The following ROCK1 variants were observed in gnomAD, a reference collection of about 807,000 sequenced individuals.
ROCK1 encodes the protein rho-associated protein kinase 1.
In ROCK1, 36 loss-of-function variants were observed where a neutral mutation model predicts 196.8. The observed-to-expected ratio is 0.18, with a 90% CI of 0.14 to 0.24. ROCK1 has a LOEUF of 0.24. Among genes scored for constraint, ROCK1 ranks in the 10% least tolerant of loss-of-function variants. ROCK1 has a pLI of 1.00. For missense variants in ROCK1, 920 were observed against 1,562.0 expected, an observed-to-expected ratio of 0.59 and a Z score of 6.93; for synonymous variants, 443 against 515.9, an observed-to-expected ratio of 0.86 and a Z score of 1.91.
intron 9 of ROCK1, among the ~76,000 whole-genome samples, chr18:21,036,472 T>C (rs2036058292): frequency 6.6e-6 from 1 of 152,324 alleles, no homozygotes; most frequent in Non-Finnish European, 1.5e-5. Flanking sequence ...AAGAAACAGT[T>C]ATTGTTCTGT....
At position 21,016,096 on chromosome 18, in the gene ROCK1, C is replaced by T. The variant is rs117992795; in HGVS notation, c.1362-617G>A. ...TATATTAAATCACAACATCTAGTGG[C>T]AGTGATTTCAAAGTATTGATGAGCA... On this transcript the variant is annotated intron_variant, in intron 12 of 32. Transcript: ENST00000399799. 3.2e-3 allele frequency among the ~76,000 whole-genome samples: 490 copies of T among 152,062 alleles called. 17 individuals carry two copies. In the East Asian group the frequency reaches 0.065, roughly 20 times the overall value.
At chr18:21,075,965 A>C (rs941796422) in intron 1 of ROCK1, among the ~76,000 whole-genome samples, 1 of 151,476 alleles carries the variant, frequency 6.6e-6, no homozygotes, top group Non-Finnish European at 1.5e-5. Flanking sequence ...AAAAAAAAAA[A>C]AGGAAAGAAA....
chr18:21,032,509 T>TC (rs1317439499), intron 9 of ROCK1, among the ~76,000 whole-genome samples: 1 of 149,422 alleles, frequency 6.7e-6, no homozygotes, highest in African/African-American at 2.5e-5. Context: ...TAGGAAAGTT[T>TC]TTTTTTTTTT....
chr18:20,959,760 A>G, intron 29 of ROCK1, 80 bp downstream of exon 29: 1 of 685,662 alleles, frequency 1.5e-6, no homozygotes, highest in Non-Finnish European at 2.3e-6. Flanking sequence ...AACACAAAAT[A>G]TAAAATAAAT....
At chr18:21,053,946 A>T (rs368079118) in intron 2 of ROCK1, among the ~76,000 whole-genome samples, 84 of 152,304 alleles carry the variant, frequency 5.5e-4, no homozygotes, top group African/African-American at 1.9e-3. Flanking sequence ...TACATATAGC[A>T]CTCAAAACTG....
rs948505350 is a variant in ROCK1 at position 21,015,782 on chromosome 18, G to C, written c.1362-303C>G. ...AGGTCAGGAGTTCGAGACCAGCTTG[G>C]CCAACATGGTGAAACCCCGTCTCTA... On this transcript the variant is annotated intron_variant, in intron 12 of 32. Transcript: ENST00000399799. 5.9e-5 allele frequency among the ~76,000 whole-genome samples: 9 copies of C among 151,656 alleles called. No individual in the cohort carries two copies. In the South Asian group the frequency reaches 1.9e-3, roughly 32 times the overall value.
chr18:20,973,273 G>A (rs540307202), intron 22 of ROCK1, among the ~76,000 whole-genome samples: 1 of 151,776 alleles, frequency 6.6e-6, no homozygotes, highest in Non-Finnish European at 1.5e-5. Context: ...AAAGATAAGA[G>A]AATTGTTGGA....
chr18:21,061,211 T>C (rs747051737), intron 2 of ROCK1, among the ~76,000 whole-genome samples: 8 of 151,884 alleles, frequency 5.3e-5, no homozygotes, highest in African/African-American at 9.7e-5. Flanking sequence ...CCCAAGTAGC[T>C]GGAATTATAG....
intron 27 of ROCK1, among the ~76,000 whole-genome samples, chr18:20,960,416 T>C (rs566945394): frequency 2.0e-5 from 3 of 152,206 alleles, no homozygotes; most frequent in Admixed American, 6.5e-5. Context: ...ACTTTTCCCA[T>C]ACAATTTAAC....
intron 2 of ROCK1, among the ~76,000 whole-genome samples, chr18:21,065,755 T>C (rs1195441328): frequency 6.6e-6 from 1 of 152,164 alleles, no homozygotes; most frequent in Non-Finnish European, 1.5e-5. Flanking sequence ...CTGATAAACA[T>C]CTTCTTTGCA....
intron 1 of ROCK1, among the ~76,000 whole-genome samples, chr18:21,074,753 G>A (rs1450762999): frequency 6.6e-6 from 1 of 152,126 alleles, no homozygotes; most frequent in African/African-American, 2.4e-5. Flanking sequence ...AATACTTCCT[G>A]TCTCTCAGAG....
At chr18:21,101,640 A>T (rs911390939) in intron 1 of ROCK1, among the ~76,000 whole-genome samples, 1 of 152,180 alleles carries the variant, frequency 6.6e-6, no homozygotes, top group African/African-American at 2.4e-5. Context: ...GGAGTTGGAG[A>T]AGTTGGGGGA....
At chr18:21,020,093 C>A in intron 12 of ROCK1, 58 bp downstream of exon 12, 1 of 1,010,282 alleles carries the variant, frequency 9.9e-7, no homozygotes, top group Admixed American at 2.1e-5. Flanking sequence ...TATAAGCTTT[C>A]AAGTAAGTAT....
intron 9 of ROCK1, among the ~76,000 whole-genome samples, chr18:21,038,445 G>A (rs1055939306): frequency 6.6e-6 from 1 of 152,052 alleles, no homozygotes; most frequent in Non-Finnish European, 1.5e-5. Context: ...TCAGCACAAT[G>A]TAAGTACTGT....
At chr18:21,105,217 T>C (rs958479656) in intron 1 of ROCK1, among the ~76,000 whole-genome samples, 1 of 152,192 alleles carries the variant, frequency 6.6e-6, no homozygotes, top group African/African-American at 2.4e-5. Flanking sequence ...CCCTAAAATA[T>C]TTCAGCAAAT....
chr18:20,959,114 T>TATAATA (rs1568367447), intron 29 of ROCK1, among the ~76,000 whole-genome samples: 2 of 49,388 alleles, frequency 4.0e-5, no homozygotes, highest in African/African-American at 2.6e-4. Context: ...TATATATATA[T>TATAATA]TATATAATAT....
chr18:20,965,404 T>TATACATACATACATACATATATAC, intron 27 of ROCK1, among the ~76,000 whole-genome samples: 1 of 146,814 alleles, frequency 6.8e-6, no homozygotes, highest in African/African-American at 2.5e-5. Flanking sequence ...TACATACATA[T>TATACATACATACATACATATATAC]ATACATACAT....
intron 13 of ROCK1, among the ~76,000 whole-genome samples, chr18:21,011,177 G>C (rs1384612439): frequency 1.3e-5 from 2 of 152,068 alleles, no homozygotes; most frequent in Admixed American, 1.3e-4. Context: ...ATTATTGGTA[G>C]TATGTTAGGG....
chr18:21,026,783 A>C (rs771962599), intron 10 of ROCK1, among the ~76,000 whole-genome samples: 1 of 152,184 alleles, frequency 6.6e-6, no homozygotes. Context: ...ACTCCAAGCC[A>C]ATCAGTTATC....
Sources: gnomAD v4.1 joint callset for allele counts (sites outside exome capture counted in the v4.1 genomes callset) on GRCh38, gnomAD v4.1.1 for gene constraint, MANE v1.5 for transcripts, NCBI Gene and HGNC (gene_info 2026-07-23, HGNC 2026-07-21) for gene names.